TCERG1L: variants seen among roughly 807,000 people sequenced by gnomAD.
TCERG1L encodes the protein transcription elongation regulator 1-like protein.
In TCERG1L, 37 loss-of-function variants were observed where a neutral mutation model predicts 56.3. The observed-to-expected ratio is 0.66, with a 90% CI of 0.51 to 0.87. TCERG1L has a LOEUF of 0.87. Ranked by LOEUF, TCERG1L falls within the 40% of genes least tolerant of loss-of-function variation. The pLI, the probability that TCERG1L is intolerant of heterozygous loss-of-function variation, is 0.00. For synonymous variants in TCERG1L, 324 were observed against 326.3 expected (o/e 0.99, Z 0.08); for missense variants, 799 against 774.2 (o/e 1.03, Z -0.38).
intron 4 of TCERG1L, among the ~76,000 whole-genome samples, chr10:131,197,227 G>A (rs1283599273): frequency 6.6e-6 from 1 of 151,006 alleles, no homozygotes; most frequent in Non-Finnish European, 1.5e-5. Flanking sequence ...GCACTGCCAG[G>A]CTGCAGTGCA....
intron 4 of TCERG1L, among the ~76,000 whole-genome samples, chr10:131,194,705 CAGG>C (rs1449037614): frequency 5.9e-5 from 9 of 152,032 alleles, no homozygotes; most frequent in Admixed American, 5.2e-4. Flanking sequence ...GGAATTTATC[CAGG>C]AGAAGGGGCG....
intron 3 of TCERG1L, among the ~76,000 whole-genome samples, chr10:131,289,436 T>A (rs1425990442): frequency 6.6e-6 from 1 of 152,220 alleles, no homozygotes; most frequent in Non-Finnish European, 1.5e-5. Flanking sequence ...ACACCTATGA[T>A]ATTGTGGTAC....
At chr10:131,097,009 G>A (rs865968754) in intron 11 of TCERG1L, among the ~76,000 whole-genome samples, 9 of 151,762 alleles carry the variant, frequency 5.9e-5, no homozygotes, top group Non-Finnish European at 1.0e-4. Flanking sequence ...AGACCAGCCC[G>A]GTCAACATGG....
At chr10:131,242,521 G>A (rs1234090000) in intron 4 of TCERG1L, among the ~76,000 whole-genome samples, 1 of 152,128 alleles carries the variant, frequency 6.6e-6, no homozygotes, top group Non-Finnish European at 1.5e-5. Flanking sequence ...CGGCACCAGC[G>A]ACTTTCAAGG....
intron 4 of TCERG1L, among the ~76,000 whole-genome samples, chr10:131,240,417 T>G (rs1465238192): frequency 6.6e-6 from 1 of 152,212 alleles, no homozygotes; most frequent in Admixed American, 6.5e-5. Flanking sequence ...TGTCTCTTCT[T>G]GCACCCCATA....
At chr10:131,268,122 A>G (rs1372984954) in intron 3 of TCERG1L, among the ~76,000 whole-genome samples, 1 of 152,138 alleles carries the variant, frequency 6.6e-6, no homozygotes, top group African/African-American at 2.4e-5. Context: ...GGCCTTGAGC[A>G]GCTGCAGTGG....
At chr10:131,126,801 T>C (rs1238003416) in intron 8 of TCERG1L, among the ~76,000 whole-genome samples, 1 of 152,176 alleles carries the variant, frequency 6.6e-6, no homozygotes, top group Non-Finnish European at 1.5e-5. Flanking sequence ...CGTCCTGTCC[T>C]TTGGCAGGTA....
At chr10:131,243,155 CA>C (rs1845992321) in intron 4 of TCERG1L, among the ~76,000 whole-genome samples, 1 of 152,118 alleles carries the variant, frequency 6.6e-6, no homozygotes, top group Non-Finnish European at 1.5e-5. Flanking sequence ...ACGATAATAA[CA>C]ATCGCCAACT....
chr10:131,309,686 T>C (rs1846857909), intron 1 of TCERG1L, among the ~76,000 whole-genome samples: 1 of 151,970 alleles, frequency 6.6e-6, no homozygotes, highest in Non-Finnish European at 1.5e-5. Flanking sequence ...AGGGCTATAT[T>C]TTATAATATT....
rs367822256 is a variant in TCERG1L, at chr10:131,260,265, C to T, written c.850G>A (p.Val284Ile). ...GACGGCGCTCCGAGCCTACCTGAGA[C>T]GGGGGACGTCCGGAGGGGTATTTTG... is the stretch of plus-strand genomic sequence containing the variant. ...PIKIPLRTSPVSDTRTERGRV... is the reference protein window; with the variant it reads ...PIKIPLRTSPISDTRTERGRV... The change falls in exon 4 of 12, where the codon GTC becomes ATC. Residue 284 changes from valine to isoleucine, a missense_variant. Coordinates refer to ENST00000368642, the MANE Select transcript of TCERG1L (RefSeq NM_174937.4). This position sits in a 1 kb window ranked among gnomAD's most constrained non-coding sequence, Gnocchi z 5.8. The T allele has an allele frequency of 3.7e-5, 51 of 1,363,578 alleles. No individual in the cohort carries two copies. Among genetic ancestry groups the T allele is most frequent in the Middle Eastern group, 2.1e-4 (1 of 4,662 alleles). 84.5% of individuals were successfully genotyped at this position (1,363,578 alleles called of 1,614,324 possible).
chr10:131,231,559 T>A (rs1175960936), intron 4 of TCERG1L, among the ~76,000 whole-genome samples: 1 of 151,890 alleles, frequency 6.6e-6, no homozygotes, highest in Non-Finnish European at 1.5e-5. Context: ...AGCACACAGA[T>A]CCGAGCCCCT....
At chr10:131,218,761 C>T (rs887082431) in intron 4 of TCERG1L, among the ~76,000 whole-genome samples, 6 of 152,128 alleles carry the variant, frequency 3.9e-5, no homozygotes, top group African/African-American at 9.7e-5. Context: ...GCTGGGCTGA[C>T]GTGGGGATGG....
chr10:131,147,335 G>T (rs1008455185), intron 6 of TCERG1L, among the ~76,000 whole-genome samples: 1 of 152,184 alleles, frequency 6.6e-6, no homozygotes, highest in Non-Finnish European at 1.5e-5. Flanking sequence ...ATGAAGAGAA[G>T]AAAATTAATG....
At chr10:131,229,923 A>C (rs1346088027) in intron 4 of TCERG1L, among the ~76,000 whole-genome samples, 1 of 152,172 alleles carries the variant, frequency 6.6e-6, no homozygotes, top group East Asian at 1.9e-4. Context: ...ATTTTGTTTC[A>C]CTGCACTTCT....
rs757632926 is a variant in TCERG1L, at chr10:131,098,332, A to C, written c.1578T>G (p.Leu526=). The change falls in exon 11 of 12, where the codon CTT becomes CTG. Residue 526 remains leucine (L), a synonymous_variant. Coordinates refer to ENST00000368642, the MANE Select transcript of TCERG1L (RefSeq NM_174937.4). ...TGGGAGACACTTTAGATTCCTCTAG[A>C]AGTTTCTTGAATTCTTCTTTGGCTA... The part of the protein sequence containing the change: ...LLLAKEEFKK[L]LEESKVSPRT... 6 of 1,552,746 alleles carry C rather than the reference A, an allele frequency of 3.9e-6. No individual in the cohort carries two copies. Among genetic ancestry groups the C allele is most frequent in the Non-Finnish European group, 5.2e-6 (6 of 1,147,476 alleles).
At chr10:131,279,861 G>A (rs994498633) in intron 3 of TCERG1L, among the ~76,000 whole-genome samples, 4 of 151,904 alleles carry the variant, frequency 2.6e-5, no homozygotes, top group Non-Finnish European at 5.9e-5. Context: ...TCTGCCTTTC[G>A]CTGCAAAGGT....
intron 11 of TCERG1L, among the ~76,000 whole-genome samples, chr10:131,097,730 C>T (rs1200046021): frequency 6.6e-6 from 1 of 152,158 alleles, no homozygotes; most frequent in Non-Finnish European, 1.5e-5. Context: ...CAATTTCTAA[C>T]ATCTATTTTC....
At chr10:131,168,130 A>C (rs1254858914) in intron 4 of TCERG1L, among the ~76,000 whole-genome samples, 1 of 152,214 alleles carries the variant, frequency 6.6e-6, no homozygotes, top group African/African-American at 2.4e-5. Flanking sequence ...ATGGGGAATT[A>C]ACGTAAATCA....
intron 4 of TCERG1L, among the ~76,000 whole-genome samples, chr10:131,180,486 A>G (rs999986176): frequency 1.3e-5 from 2 of 152,236 alleles, no homozygotes; most frequent in African/African-American, 4.8e-5. Flanking sequence ...TTACGTTCAC[A>G]TTCATTTTCG....
Sources: allele counts gnomAD v4.1 joint callset (sites outside exome capture counted in the v4.1 genomes callset), GRCh38; gene constraint gnomAD v4.1.1; non-coding constraint Gnocchi (gnomAD v3.1); transcripts MANE v1.5; gene names NCBI Gene and HGNC (gene_info 2026-07-23, HGNC 2026-07-21).